The following SCOC variants were observed in gnomAD, a reference collection of about 807,000 sequenced individuals.
SCOC encodes the protein short coiled-coil protein.
A neutral mutation model predicts 9.9 loss-of-function variants in SCOC; 7 were observed. The observed-to-expected ratio is 0.71, with a 90% CI of 0.40 to 1.33. SCOC has a LOEUF of 1.33. Ranked by LOEUF, SCOC falls within the 40% of genes most tolerant of loss-of-function variation. SCOC has a pLI of 0.01. For missense variants in SCOC, 66 were observed against 89.7 expected (o/e 0.74, Z 1.07); for synonymous variants, 19 against 28.2 (o/e 0.67, Z 1.03).
intron 1 of SCOC, among the ~76,000 whole-genome samples, chr4:140,377,781 T>C (rs1490021308): frequency 6.6e-6 from 1 of 152,200 alleles, no homozygotes; most frequent in African/African-American, 2.4e-5. Flanking sequence ...GATATCTCTA[T>C]TGTGATTCTA....
At chr4:140,349,600 T>C (rs1056926746) in intron 2 of SCOC, among the ~76,000 whole-genome samples, 16 of 152,154 alleles carry the variant, frequency 1.1e-4, no homozygotes, top group African/African-American at 3.6e-4. Context: ...ATATTCATAA[T>C]TTTAATTAAT....
At chr4:140,366,248 C>G in intron 2 of SCOC, 3 of 1,235,014 alleles carry the variant, frequency 2.4e-6, no homozygotes, top group Non-Finnish European at 3.2e-6. Context: ...TCTTGCCAAA[C>G]GCTTTTGGAG....
intron 1 of SCOC, among the ~76,000 whole-genome samples, chr4:140,298,752 C>G (rs1731724444): frequency 6.6e-6 from 1 of 152,112 alleles, no homozygotes; most frequent in Non-Finnish European, 1.5e-5. Context: ...AGGGATGACC[C>G]AAGGGATGGA....
At chr4:140,373,618 TGTGGGCGGA>T (rs1230762230), upstream of SCOC, 3 of 1,551,708 alleles carry the variant, frequency 1.9e-6, no homozygotes, top group Non-Finnish European at 2.6e-6. Flanking sequence ...GCGCACGTTC[TGTGGGCGGA>T]GTGGGCGGAG....
intron 1 of SCOC, among the ~76,000 whole-genome samples, chr4:140,316,705 A>C (rs184729538): frequency 2.9e-3 from 442 of 152,238 alleles, no homozygotes; most frequent in Non-Finnish European, 4.8e-3. Flanking sequence ...GAATCATTAC[A>C]ATTGAGGGCA....
chr4:140,330,511 A>G (rs1371264220), intron 1 of SCOC, among the ~76,000 whole-genome samples: 1 of 152,212 alleles, frequency 6.6e-6, no homozygotes. Flanking sequence ...TATCCACCAG[A>G]GGGAGCCAAC....
At chr4:140,321,735 C>T (rs911448818) in intron 1 of SCOC, among the ~76,000 whole-genome samples, 3 of 152,070 alleles carry the variant, frequency 2.0e-5, no homozygotes, top group African/African-American at 7.2e-5. Context: ...TTTGAAATCC[C>T]AGAATGAGAA....
intron 1 of SCOC, among the ~76,000 whole-genome samples, chr4:140,263,955 T>C (rs1432069735): frequency 6.6e-6 from 1 of 152,126 alleles, no homozygotes; most frequent in Admixed American, 6.5e-5. Context: ...GGAAACAGGT[T>C]GAAAAGTCTC....
chr4:140,297,280 G>A (rs988506944), intron 1 of SCOC, among the ~76,000 whole-genome samples: 4 of 144,516 alleles, frequency 2.8e-5, no homozygotes, highest in African/African-American at 1.0e-4. Flanking sequence ...GGGGGGGGGG[G>A]CACTGTTGTC....
At chr4:140,279,603 T>C (rs974410796) in intron 1 of SCOC, among the ~76,000 whole-genome samples, 7 of 152,212 alleles carry the variant, frequency 4.6e-5, no homozygotes, top group African/African-American at 1.4e-4. Flanking sequence ...AGATGTAACG[T>C]ATTTGCCTTG....
intron 1 of SCOC, among the ~76,000 whole-genome samples, chr4:140,257,574 T>A (rs1401129857): frequency 4.6e-5 from 7 of 152,098 alleles, no homozygotes; most frequent in African/African-American, 1.7e-4. Flanking sequence ...TGAGGGCGAG[T>A]CATCTGAGCT....
chr4:140,264,494 C>T (rs1384905636), intron 1 of SCOC, among the ~76,000 whole-genome samples: 1 of 152,166 alleles, frequency 6.6e-6, no homozygotes. Flanking sequence ...CTCTTAAGTT[C>T]CTAGCAGTTA....
chr4:140,378,516 G>A (rs2126598989), intron 1 of SCOC, among the ~76,000 whole-genome samples: 1 of 152,088 alleles, frequency 6.6e-6, no homozygotes, highest in South Asian at 2.1e-4. Context: ...GATTGCTTGG[G>A]TCCAGGAGTT....
chr4:140,308,406 C>T (rs1732051464), intron 1 of SCOC, among the ~76,000 whole-genome samples: 1 of 152,192 alleles, frequency 6.6e-6, no homozygotes, highest in Non-Finnish European at 1.5e-5. Flanking sequence ...TTCAGAAAGA[C>T]TGTATGCACA....
At chr4:140,298,169 T>C (rs1731706682) in intron 1 of SCOC, among the ~76,000 whole-genome samples, 2 of 152,136 alleles carry the variant, frequency 1.3e-5, no homozygotes, top group Admixed American at 6.5e-5. Flanking sequence ...TGCCATCTGG[T>C]CTTCAGTTAT....
At chr4:140,356,494 T>C (rs1727234577) in intron 2 of SCOC, among the ~76,000 whole-genome samples, 1 of 152,222 alleles carries the variant, frequency 6.6e-6, no homozygotes, top group Non-Finnish European at 1.5e-5. Context: ...CATGTAGCTG[T>C]CATGTCACCT....
chr4:140,313,551 G>A (rs769005020), intron 1 of SCOC, among the ~76,000 whole-genome samples: 6 of 152,102 alleles, frequency 3.9e-5, no homozygotes, highest in South Asian at 2.1e-4. Context: ...TGTGCCCGGC[G>A]GAAATATAGA....
At chr4:140,316,646 CA>C (rs746563260) in intron 1 of SCOC, among the ~76,000 whole-genome samples, 64 of 152,202 alleles carry the variant, frequency 4.2e-4, no homozygotes, top group Non-Finnish European at 8.7e-4. Context: ...GGGATTTATT[CA>C]AAGTGCCTTT....
At chr4:140,270,995 T>C (rs956181789) in intron 1 of SCOC, among the ~76,000 whole-genome samples, 1 of 152,212 alleles carries the variant, frequency 6.6e-6, no homozygotes, top group Non-Finnish European at 1.5e-5. Context: ...CAATGTGCTA[T>C]TCTGTTCTTC....
Sources: allele counts gnomAD v4.1 joint callset (sites outside exome capture counted in the v4.1 genomes callset), GRCh38; gene constraint gnomAD v4.1.1; transcripts MANE v1.5; gene names NCBI Gene and HGNC (gene_info 2026-07-23, HGNC 2026-07-21).